PTPRE: variants seen among roughly 807,000 people sequenced by gnomAD.
The protein encoded by PTPRE is receptor-type tyrosine-protein phosphatase epsilon.
PTPRE carries 51 observed loss-of-function variants against 102.0 expected under a neutral mutation model. That is an observed-to-expected ratio of 0.50 (90% confidence interval 0.40 to 0.63). The LOEUF (loss-of-function observed/expected upper bound fraction) is 0.63, where lower values mean the gene tolerates loss of function less well. PTPRE is among the 30% of genes least tolerant of loss of function. The pLI, the probability that PTPRE is intolerant of heterozygous loss-of-function variation, is 0.00. For missense variants in PTPRE, 752 were observed against 915.1 expected (o/e 0.82, Z 2.30); for synonymous variants, 345 against 348.2 (o/e 0.99, Z 0.10).
At chr10:128,006,104 TC>T (rs760012735) in intron 2 of PTPRE, among the ~76,000 whole-genome samples, 2 of 152,196 alleles carry the variant, frequency 1.3e-5, no homozygotes, top group Non-Finnish European at 2.9e-5. Flanking sequence ...AAGGTCACAT[TC>T]TGAGGTTCCA....
chr10:128,012,414 C>G (rs1845096202), intron 2 of PTPRE, among the ~76,000 whole-genome samples: 1 of 152,178 alleles, frequency 6.6e-6, no homozygotes, highest in African/African-American at 2.4e-5. Context: ...TCCCCATGAG[C>G]CTGAGCTAGT....
chr10:127,931,216 T>G (rs762232017), intron 1 of PTPRE, among the ~76,000 whole-genome samples: 2 of 152,234 alleles, frequency 1.3e-5, no homozygotes, highest in African/African-American at 2.4e-5. Context: ...GGCCCTTATT[T>G]GTATATAAAG....
chr10:128,010,303 G>A (rs1844872490), intron 2 of PTPRE, among the ~76,000 whole-genome samples: 1 of 152,236 alleles, frequency 6.6e-6, no homozygotes, highest in South Asian at 2.1e-4. Context: ...CTGAAGCCTG[G>A]TGGTTGAGGT....
At chr10:127,994,376 C>T (rs1025522462) in intron 2 of PTPRE, among the ~76,000 whole-genome samples, 1 of 152,164 alleles carries the variant, frequency 6.6e-6, no homozygotes, top group Admixed American at 6.5e-5. Flanking sequence ...TTTCTGTACC[C>T]CCGTTTTACT....
At chr10:128,072,762 T>A (rs1201179823) in intron 16 of PTPRE, 1 of 152,770 alleles carries the variant, frequency 6.5e-6, no homozygotes. Flanking sequence ...AATATATAGT[T>A]ATTTTTCTTT....
chr10:128,084,289 G>A lies in PTPRE; in HGVS notation c.*1383G>A, dbSNP rs4548544. The A allele has an allele frequency of 0.55, 83,028 of 151,906 alleles. 22,867 individuals carry two copies. Among genetic ancestry groups the A allele is most frequent in the Admixed American group, 0.62 (9,474 of 15,284 alleles). The allele number at this position is 151,906 out of a possible 1,614,324, so 9.4% of individuals were successfully genotyped here. ...CCTTACTACTAAAAGCATTTAACAC[G>A]TGCATTTTTGGTACTTTTTTTTTTG... On this transcript the variant is annotated 3_prime_UTR_variant, in exon 21 of 21. Transcript: ENST00000254667.
chr10:128,041,766 G>C (rs374317203), intron 3 of PTPRE, among the ~76,000 whole-genome samples: 1 of 152,104 alleles, frequency 6.6e-6, no homozygotes, highest in South Asian at 2.1e-4. Context: ...CCTGCTGAAG[G>C]GTTCACGAGT....
rs562305572 is a variant in PTPRE, at chr10:128,050,330, CGGATGGATGGATGGAT to C, written c.420+696_420+711del. ...ATGGATGGATGGATGAGTGGGAGGG[CGGATGGATGGATGGAT>C]GGATGGATGGATGGATGGATGGATG... On this transcript the variant is annotated intron_variant, in intron 6 of 20. Transcript: ENST00000254667. Among the ~76,000 whole-genome samples the C allele has an allele frequency of 3.2e-5, 3 of 94,574 alleles. 1 individual carries two copies. Among genetic ancestry groups the C allele is most frequent in the South Asian group, 7.9e-4 (2 of 2,518 alleles). 62.0% of individuals were successfully genotyped at this position (94,574 alleles called of 152,430 possible).
chr10:127,923,461 T>C (rs528992674), intron 1 of PTPRE, among the ~76,000 whole-genome samples: 4 of 146,352 alleles, frequency 2.7e-5, no homozygotes, highest in Non-Finnish European at 4.4e-5. Flanking sequence ...TGAAGTGCAG[T>C]GGCACGAACT....
chr10:127,937,224 A>G (rs1847902823), intron 1 of PTPRE, among the ~76,000 whole-genome samples: 1 of 152,200 alleles, frequency 6.6e-6, no homozygotes, highest in South Asian at 2.1e-4. Context: ...ATGGCTTTTT[A>G]TAAATCTGCA....
At chr10:127,981,240 A>C (rs1447699044) in intron 1 of PTPRE, among the ~76,000 whole-genome samples, 3 of 152,226 alleles carry the variant, frequency 2.0e-5, no homozygotes, top group Non-Finnish European at 2.9e-5. Flanking sequence ...GTCCATTTAT[A>C]TGAAATACTC....
chr10:128,033,770 G>C (rs574280523), intron 2 of PTPRE, among the ~76,000 whole-genome samples: 182 of 152,258 alleles, frequency 1.2e-3, no homozygotes, highest in African/African-American at 4.2e-3. Flanking sequence ...TCAGCCTCCT[G>C]AGCAGCTGGG....
chr10:128,064,909 G>T (rs1849926581), intron 10 of PTPRE, among the ~76,000 whole-genome samples: 1 of 152,200 alleles, frequency 6.6e-6, no homozygotes, highest in South Asian at 2.1e-4. Flanking sequence ...GGGAGGCAGA[G>T]GGAGGGGGTA....
At chr10:127,974,241 C>T (rs796895447) in intron 1 of PTPRE, among the ~76,000 whole-genome samples, 12 of 152,300 alleles carry the variant, frequency 7.9e-5, no homozygotes, top group African/African-American at 2.6e-4. Context: ...GTTCTGCGTC[C>T]GGTCCTTACC....
Position 128,066,129 on chromosome 10 carries a change from C to T in PTPRE, c.778C>T (p.Arg260Trp), listed in dbSNP as rs749301869. 5.0e-6 allele frequency: 8 copies of T among 1,614,218 alleles called. 1 individual carries two copies. In the Admixed American group the frequency reaches 8.3e-5, roughly 17 times the overall value. ...DQGCWTYGNI[R>W]VCVEDCVVLV... ...AGGCTGCTGGACCTATGGAAACATCCGGGTGTGCGTGGAGGACTGCGTGGT... is the reference window on the plus strand; with the variant it reads ...AGGCTGCTGGACCTATGGAAACATCTGGGTGTGCGTGGAGGACTGCGTGGT... The change falls in exon 11 of 21, where the codon CGG (arginine) becomes TGG (tryptophan). Residue 260 changes from arginine to tryptophan, a missense_variant. Coordinates refer to ENST00000254667, the MANE Select transcript of PTPRE (RefSeq NM_006504.6).
chr10:128,003,916 C>A (rs996972167), intron 2 of PTPRE, among the ~76,000 whole-genome samples: 4 of 152,010 alleles, frequency 2.6e-5, no homozygotes, highest in African/African-American at 9.7e-5. Context: ...ACCCCATTGG[C>A]AACACCCCAC....
intron 17 of PTPRE, among the ~76,000 whole-genome samples, chr10:128,073,955 A>C (rs548636027): frequency 6.6e-6 from 1 of 152,204 alleles, no homozygotes; most frequent in African/African-American, 2.4e-5. Context: ...CATGCAATTC[A>C]TCTTTTTAAA....
intron 1 of PTPRE, among the ~76,000 whole-genome samples, chr10:127,967,973 T>C (rs1850385295): frequency 6.6e-6 from 1 of 152,044 alleles, no homozygotes; most frequent in Admixed American, 6.6e-5. Context: ...TGAATCTAAA[T>C]GACTTGGTTT....
At position 127,955,286 on chromosome 10, in the gene PTPRE, G is replaced by GTACATACATACA. The variant is rs59251219; in HGVS notation, c.-30-26961_-30-26950dup. Among the ~76,000 whole-genome samples the GTACATACATACA allele has an allele frequency of 4.8e-4, 72 of 150,002 alleles. 1 individual carries two copies. The South Asian group carries it at 5.7e-3, about 12-fold the overall frequency. Reference sequence around the variant, plus strand: ...TATGATGCAGAGAATAAATACATGTGTACATACATACATACATACATACAT... The same window carrying GTACATACATACA: ...TATGATGCAGAGAATAAATACATGTGTACATACATACATACATACATACATACATACATACAT... On this transcript the variant is annotated intron_variant, in intron 1 of 20. Coordinates refer to ENST00000254667, the MANE Select transcript of PTPRE (RefSeq NM_006504.6).
Sources: allele counts gnomAD v4.1 joint callset (sites outside exome capture counted in the v4.1 genomes callset), GRCh38; gene constraint gnomAD v4.1.1; transcripts MANE v1.5; gene names NCBI Gene and HGNC (gene_info 2026-07-23, HGNC 2026-07-21).